RBPMS: variants seen among roughly 807,000 people sequenced by gnomAD.
RBPMS encodes the protein RNA binding protein, mRNA processing factor.
RBPMS carries 7 observed loss-of-function variants against 26.8 expected under a neutral mutation model. The observed-to-expected ratio is 0.26, with a 90% CI of 0.15 to 0.49. The LOEUF (loss-of-function observed/expected upper bound fraction) is 0.49, where lower values mean the gene tolerates loss of function less well. Among genes scored for constraint, RBPMS ranks in the 20% least tolerant of loss-of-function variants. The pLI, the probability that RBPMS is intolerant of heterozygous loss-of-function variation, is 0.98. For missense variants in RBPMS, 186 were observed against 250.0 expected, an observed-to-expected ratio of 0.74 and a Z score of 1.73; for synonymous variants, 96 against 93.3, an observed-to-expected ratio of 1.03 and a Z score of -0.17.
intron 4 of RBPMS, among the ~76,000 whole-genome samples, chr8:30,487,264 A>G (rs1361513756): frequency 6.6e-6 from 1 of 152,216 alleles, no homozygotes; most frequent in Non-Finnish European, 1.5e-5. Flanking sequence ...GAATGATCAC[A>G]TCATCACAGT....
At chr8:30,385,183 CG>C (rs1168853203) in intron 1 of RBPMS, 25 bp downstream of exon 1, 4 of 1,452,142 alleles carry the variant, frequency 2.8e-6, no homozygotes, top group South Asian at 1.4e-5. Flanking sequence ...GGTGTGGTGG[CG>C]GGGGCGACGC....
intron 2 of RBPMS, among the ~76,000 whole-genome samples, chr8:30,477,342 C>T (rs1367106062): frequency 6.6e-6 from 1 of 152,214 alleles, no homozygotes; most frequent in African/African-American, 2.4e-5. Context: ...AGTCACCGCA[C>T]CCAGCCCCAA....
chr8:30,468,411 C>G (rs935272645), intron 1 of RBPMS, among the ~76,000 whole-genome samples: 1 of 151,972 alleles, frequency 6.6e-6, no homozygotes, highest in Non-Finnish European at 1.5e-5. Flanking sequence ...TATCCTACTT[C>G]CCTTTCCTCC....
At chr8:30,408,286 T>G (rs1000948310) in intron 1 of RBPMS, among the ~76,000 whole-genome samples, 1 of 152,102 alleles carries the variant, frequency 6.6e-6, no homozygotes. Flanking sequence ...TCCAGCACTT[T>G]AGGAGGCTGA....
At chr8:30,499,366 A>C (rs994721018) in intron 4 of RBPMS, among the ~76,000 whole-genome samples, 6 of 152,198 alleles carry the variant, frequency 3.9e-5, no homozygotes, top group Non-Finnish European at 7.3e-5. Context: ...AGGTGTTAAA[A>C]CTAGTAGATT....
intron 8 of RBPMS, among the ~76,000 whole-genome samples, chr8:30,570,175 C>CA (rs1260060945): frequency 5.3e-5 from 8 of 151,764 alleles, no homozygotes; most frequent in African/African-American, 1.7e-4. Context: ...TAACTTGGGA[C>CA]AAAATCTAAC....
At chr8:30,506,902 A>G (rs777696462) in intron 5 of RBPMS, among the ~76,000 whole-genome samples, 8 of 152,186 alleles carry the variant, frequency 5.3e-5, no homozygotes, top group Admixed American at 4.6e-4. Context: ...CGAGCACCCA[A>G]TGTGCTAGAC....
chr8:30,484,318 GA>G (rs1370229652), intron 4 of RBPMS, among the ~76,000 whole-genome samples: 1 of 152,176 alleles, frequency 6.6e-6, no homozygotes, highest in African/African-American at 2.4e-5. Flanking sequence ...AATTTCACAT[GA>G]CTTAAAATGT....
intron 6 of RBPMS, among the ~76,000 whole-genome samples, chr8:30,548,966 C>T (rs1826076107): frequency 6.6e-6 from 1 of 152,198 alleles, no homozygotes; most frequent in African/African-American, 2.4e-5. Context: ...GTCTCGAGGG[C>T]AGTGCTGGGT....
intron 5 of RBPMS, among the ~76,000 whole-genome samples, chr8:30,535,896 C>T (rs757420432): frequency 2.6e-5 from 4 of 152,148 alleles, no homozygotes; most frequent in Non-Finnish European, 5.9e-5. Context: ...CACATGGGCT[C>T]AGGAGTTGAA....
intron 1 of RBPMS, among the ~76,000 whole-genome samples, chr8:30,463,322 A>T (rs1816149603): frequency 6.6e-6 from 1 of 152,220 alleles, no homozygotes; most frequent in South Asian, 2.1e-4. Flanking sequence ...TCAGGGTCAT[A>T]AGGTTGGAAT....
At chr8:30,503,919 A>G (rs1001425651) in intron 4 of RBPMS, among the ~76,000 whole-genome samples, 1 of 152,156 alleles carries the variant, frequency 6.6e-6, no homozygotes, top group African/African-American at 2.4e-5. Flanking sequence ...GTTTTACTGA[A>G]TATAATCTAT....
chr8:30,415,411 T>C (rs1809944846), intron 1 of RBPMS, among the ~76,000 whole-genome samples: 1 of 152,150 alleles, frequency 6.6e-6, no homozygotes, highest in Admixed American at 6.5e-5. Flanking sequence ...TTTCACAGAA[T>C]GGAAATATAC....
At chr8:30,479,031 C>A (rs1308478785) in intron 3 of RBPMS, among the ~76,000 whole-genome samples, 5 of 152,176 alleles carry the variant, frequency 3.3e-5, no homozygotes, top group African/African-American at 1.2e-4. Context: ...TTCCTCTATT[C>A]CCTTGTTCAC....
chr8:30,522,922 C>G (rs1823211720), intron 5 of RBPMS, among the ~76,000 whole-genome samples: 1 of 152,044 alleles, frequency 6.6e-6, no homozygotes, highest in South Asian at 2.1e-4. Flanking sequence ...ATTGATAGGT[C>G]TATATAAGAA....
intron 6 of RBPMS, among the ~76,000 whole-genome samples, chr8:30,551,124 C>T (rs772398891): frequency 3.3e-5 from 5 of 152,310 alleles, no homozygotes; most frequent in South Asian, 2.1e-4. Context: ...AATCTGCCCC[C>T]GGCCAGGCAG....
chr8:30,424,915 A>G (rs1021231543), intron 1 of RBPMS, among the ~76,000 whole-genome samples: 2 of 152,108 alleles, frequency 1.3e-5, no homozygotes, highest in Admixed American at 6.6e-5. Flanking sequence ...ACAAATTAGC[A>G]TTAGCCCATT....
chr8:30,547,504 T>C, intron 6 of RBPMS: 4 of 1,539,692 alleles, frequency 2.6e-6, no homozygotes, highest in Non-Finnish European at 3.5e-6. Context: ...AAAATTTTAA[T>C]CAGAGCAAAA....
intron 1 of RBPMS, among the ~76,000 whole-genome samples, chr8:30,438,041 A>T (rs553362235): frequency 6.6e-6 from 1 of 152,336 alleles, no homozygotes; most frequent in East Asian, 1.9e-4. Context: ...GCACAATTAT[A>T]GCTATTTATT....
Sources: allele counts gnomAD v4.1 joint callset (sites outside exome capture counted in the v4.1 genomes callset), GRCh38; gene constraint gnomAD v4.1.1; transcripts MANE v1.5; gene names NCBI Gene and HGNC (gene_info 2026-07-23, HGNC 2026-07-21).